SNTG1: variants seen among roughly 807,000 people sequenced by gnomAD.
SNTG1 encodes syntrophin gamma 1.
SNTG1 carries 39 observed loss-of-function variants against 74.7 expected under a neutral mutation model. The observed-to-expected ratio is 0.52, with a 90% CI of 0.40 to 0.68. SNTG1 has a LOEUF of 0.68. Among genes scored for constraint, SNTG1 ranks in the 30% least tolerant of loss-of-function variants. The pLI is 0.00. For synonymous variants in SNTG1, 254 were observed against 217.1 expected, an observed-to-expected ratio of 1.17 and a Z score of -1.49; for missense variants, 685 against 609.5, an observed-to-expected ratio of 1.12 and a Z score of -1.30.
At chr8:50,127,978 C>G (rs1467715977) in intron 1 of SNTG1, among the ~76,000 whole-genome samples, 1 of 152,024 alleles carries the variant, frequency 6.6e-6, no homozygotes, top group Non-Finnish European at 1.5e-5. Flanking sequence ...CGTTATCATG[C>G]AAAACTGGTT....
chr8:50,033,648 G>T (rs1817919338), intron 1 of SNTG1, among the ~76,000 whole-genome samples: 1 of 152,048 alleles, frequency 6.6e-6, no homozygotes. Flanking sequence ...GTATTCTCAT[G>T]TGATTTTTTT....
chr8:50,117,239 G>A lies in SNTG1; in HGVS notation c.-102-55322G>A, dbSNP rs570730567. On this transcript the variant is annotated intron_variant, in intron 1 of 18. Coordinates refer to ENST00000642720, the MANE Select transcript of SNTG1 (RefSeq NM_018967.5). ...TTTAGACATCTTTTCCAGAGTGTGT[G>A]CACACAATTTGGACTTGTCATGCTG... Among the ~76,000 whole-genome samples, 5 of 152,012 alleles carry A rather than the reference G, an allele frequency of 3.3e-5. No homozygotes were observed. In the East Asian group the frequency reaches 5.8e-4, roughly 18 times the overall value.
At chr8:50,006,045 C>T (rs911482970) in intron 1 of SNTG1, among the ~76,000 whole-genome samples, 4 of 146,714 alleles carry the variant, frequency 2.7e-5, no homozygotes, top group Admixed American at 2.1e-4. Flanking sequence ...TCACTGCAAC[C>T]TCCGACTCCT....
rs2091924070 is a variant in SNTG1 at position 50,360,347 on chromosome 8, A to G, written c.-27-33865A>G. Among the ~76,000 whole-genome samples, 3 of 152,136 alleles carry G rather than the reference A, an allele frequency of 2.0e-5. No individual in the cohort carries two copies. The South Asian group carries it at 6.2e-4, about 32-fold the overall frequency. On this transcript the variant is annotated intron_variant, in intron 2 of 18. Coordinates refer to ENST00000642720, the MANE Select transcript of SNTG1 (RefSeq NM_018967.5). ...ATTGATAATCCAGTTCTCTATCAAC[A>G]TCTGGCAGATCATGTGTTTTAAAAA...
chr8:50,216,372 G>A (rs1378834200), intron 2 of SNTG1, among the ~76,000 whole-genome samples: 6 of 151,996 alleles, frequency 3.9e-5, no homozygotes, highest in Admixed American at 3.9e-4. Context: ...TATCTTTTCA[G>A]TAAGATAATA....
intron 2 of SNTG1, among the ~76,000 whole-genome samples, chr8:50,189,083 A>C (rs1017281259): frequency 6.6e-6 from 1 of 152,138 alleles, no homozygotes; most frequent in African/African-American, 2.4e-5. Flanking sequence ...TGGAGGTCTC[A>C]CAGGAATAGC....
intron 12 of SNTG1, among the ~76,000 whole-genome samples, chr8:50,587,733 G>A (rs946443777): frequency 6.6e-6 from 1 of 151,914 alleles, no homozygotes; most frequent in Non-Finnish European, 1.5e-5. Context: ...GGTGAGGCAG[G>A]AGAATCGCTT....
chr8:50,471,564 A>G (rs2093654767), intron 8 of SNTG1, among the ~76,000 whole-genome samples: 1 of 152,186 alleles, frequency 6.6e-6, no homozygotes, highest in Non-Finnish European at 1.5e-5. Flanking sequence ...ACAATTTGCT[A>G]CCAAGTTACA....
At chr8:50,545,191 G>A (rs2094378099) in intron 11 of SNTG1, among the ~76,000 whole-genome samples, 3 of 151,690 alleles carry the variant, frequency 2.0e-5, no homozygotes, top group Admixed American at 2.0e-4. Flanking sequence ...TTGCAACCAA[G>A]TTGTGTTACA....
intron 1 of SNTG1, among the ~76,000 whole-genome samples, chr8:50,101,820 G>C (rs1453036703): frequency 1.3e-5 from 2 of 148,852 alleles, no homozygotes; most frequent in Non-Finnish European, 3.0e-5. Flanking sequence ...TTGGTTTTTT[G>C]TCCTTGCGAT....
chr8:50,550,022 T>C (rs1050313098), intron 11 of SNTG1, among the ~76,000 whole-genome samples: 1 of 152,188 alleles, frequency 6.6e-6, no homozygotes, highest in African/African-American at 2.4e-5. Context: ...ATTGTTCTCA[T>C]TTTTAGGGGA....
intron 17 of SNTG1, among the ~76,000 whole-genome samples, chr8:50,730,006 C>G (rs979888943): frequency 2.6e-5 from 4 of 151,966 alleles, no homozygotes; most frequent in Non-Finnish European, 5.9e-5. Flanking sequence ...ATTCACTACA[C>G]GGACTGCGAT....
At chr8:50,499,339 T>C (rs907629377) in intron 8 of SNTG1, among the ~76,000 whole-genome samples, 2 of 151,806 alleles carry the variant, frequency 1.3e-5, no homozygotes, top group African/African-American at 4.8e-5. Context: ...ATTCTGATTG[T>C]TTATAAAGAA....
chr8:50,183,238 T>C (rs2083269847), intron 2 of SNTG1, among the ~76,000 whole-genome samples: 1 of 152,206 alleles, frequency 6.6e-6, no homozygotes, highest in Non-Finnish European at 1.5e-5. Context: ...ACTAACAGTG[T>C]TTCTCTGCGC....
chr8:50,161,715 GT>G (rs2082422442), intron 1 of SNTG1, among the ~76,000 whole-genome samples: 1 of 151,752 alleles, frequency 6.6e-6, no homozygotes, highest in African/African-American at 2.4e-5. Flanking sequence ...CCCTTGTCTA[GT>G]GAGGGAAGCA....
chr8:50,111,340 G>C (rs961573543), intron 1 of SNTG1, among the ~76,000 whole-genome samples: 3 of 152,140 alleles, frequency 2.0e-5, no homozygotes, highest in Non-Finnish European at 4.4e-5. Context: ...GTCATAAGGT[G>C]GGGGTCTTAA....
intron 1 of SNTG1, among the ~76,000 whole-genome samples, chr8:50,161,228 T>C (rs976419327): frequency 6.6e-6 from 1 of 152,146 alleles, no homozygotes; most frequent in Non-Finnish European, 1.5e-5. Flanking sequence ...ATAGAACAAA[T>C]CAGGGATTTT....
intron 10 of SNTG1, among the ~76,000 whole-genome samples, chr8:50,532,393 G>T (rs2094275934): frequency 6.6e-6 from 1 of 152,132 alleles, no homozygotes; most frequent in African/African-American, 2.4e-5. Context: ...AAAAAATTAA[G>T]ATCCAGATCT....
intron 17 of SNTG1, among the ~76,000 whole-genome samples, chr8:50,725,229 G>T (rs1223328356): frequency 2.0e-5 from 3 of 152,118 alleles, no homozygotes; most frequent in Non-Finnish European, 4.4e-5. Context: ...TCAAGCATAT[G>T]CTAATTTGTT....
Sources: allele counts gnomAD v4.1 joint callset (sites outside exome capture counted in the v4.1 genomes callset), GRCh38; gene constraint gnomAD v4.1.1; transcripts MANE v1.5; gene names NCBI Gene and HGNC (gene_info 2026-07-23, HGNC 2026-07-21).